Variants in ARID1A observed in about 807,000 individuals in gnomAD.
ARID1A encodes AT-rich interaction domain 1A.
A neutral mutation model predicts 212.6 loss-of-function variants in ARID1A; 20 were observed. That is an observed-to-expected ratio of 0.09 (90% CI 0.07 to 0.14). The LOEUF (loss-of-function observed/expected upper bound fraction) is 0.14, where lower values mean the gene tolerates loss of function less well. ARID1A is among the 10% of genes least tolerant of loss of function. The probability of loss-of-function intolerance (pLI) is 1.00; values close to 1 mark genes in which losing one functional copy is unlikely to be tolerated. For synonymous variants in ARID1A, 1,376 were observed against 1,222.1 expected, an observed-to-expected ratio of 1.13 and a Z score of -2.63; for missense variants, 2,587 against 3,059.0, an observed-to-expected ratio of 0.85 and a Z score of 3.64.
intron 4 of ARID1A, among the ~76,000 whole-genome samples, chr1:26,737,601 C>T (rs2080746343): frequency 6.6e-6 from 1 of 152,126 alleles, no homozygotes; most frequent in South Asian, 2.1e-4. Flanking sequence ...CACGGTGCCT[C>T]ACGCTTGTAA....
At chr1:26,709,884 G>T (rs1407517237) in intron 1 of ARID1A, among the ~76,000 whole-genome samples, 2 of 150,786 alleles carry the variant, frequency 1.3e-5, no homozygotes, top group Admixed American at 1.3e-4. Flanking sequence ...CCAGGCTGAA[G>T]TGCAGTGGCA....
At chr1:26,747,217 C>T (rs1046016062) in intron 4 of ARID1A, among the ~76,000 whole-genome samples, 2 of 152,116 alleles carry the variant, frequency 1.3e-5, no homozygotes, top group Admixed American at 6.5e-5. Context: ...AATCCCCCTA[C>T]TCGATGGCCT....
chr1:26,771,557 A>G lies in ARID1A; in HGVS notation c.3406+231A>G. On this transcript the variant is annotated intron_variant, in intron 12 of 19. Coordinates refer to ENST00000324856, the MANE Select transcript of ARID1A (RefSeq NM_006015.6). This position sits in a 1 kb window ranked among gnomAD's most constrained non-coding sequence, Gnocchi z 5.4. ...TTTTAATTTTTGTTGTGCAGCTGACAACTTGCCAAATGTTTGTAAACTGGT... is the reference window on the plus strand; with the variant it reads ...TTTTAATTTTTGTTGTGCAGCTGACGACTTGCCAAATGTTTGTAAACTGGT... 1 of 560,180 alleles carries G rather than the reference A, an allele frequency of 1.8e-6. No homozygotes were observed. The highest frequency in any genetic ancestry group is 3.2e-6 in the Non-Finnish European group (1 of 315,062). 34.7% of individuals were successfully genotyped at this position (560,180 alleles called of 1,614,324 possible). A position where few individuals can be genotyped will look rare whatever the true frequency, so the allele number is the denominator to read the frequency against.
chr1:26,738,205 A>G (rs767097106), intron 4 of ARID1A, among the ~76,000 whole-genome samples: 4 of 151,580 alleles, frequency 2.6e-5, no homozygotes, highest in Non-Finnish European at 5.9e-5. Flanking sequence ...TGTATTTTTA[A>G]TAGAGACGAG....
chr1:26,755,202 T>C (rs1445291241), intron 4 of ARID1A, among the ~76,000 whole-genome samples: 1 of 152,234 alleles, frequency 6.6e-6, no homozygotes, highest in Non-Finnish European at 1.5e-5. Flanking sequence ...GTCTGGCATA[T>C]AGTAGATGCT....
chr1:26,758,447 C>T lies in ARID1A; in HGVS notation c.1921-2409C>T, dbSNP rs539982413. 3.9e-5 allele frequency among the ~76,000 whole-genome samples: 6 copies of T among 151,992 alleles called. No homozygotes were observed. In the East Asian group the frequency reaches 7.8e-4, roughly 20 times the overall value. On this transcript the variant is annotated intron_variant, in intron 4 of 19. Coordinates refer to ENST00000324856, the MANE Select transcript of ARID1A (RefSeq NM_006015.6). ...ACACAAACACAGCCAGACATGGTGG[C>T]GCCTGCCTGTACACACACATACAGA...
rs1015322780 is a variant in ARID1A at position 26,696,649 on chromosome 1, TGGCGGC to T, written c.255_260del (p.Gly86_Gly87del). ...AGGACGGGGCCGAGAGCAATGGGGG[TGGCGGC>T]GGCGGCGGAGCCGGCAGCGGCGGCG... On this transcript the variant is annotated inframe_deletion, in exon 1 of 20. Transcript: ENST00000324856. 7.7e-7 allele frequency: 1 copy of T among 1,303,514 alleles called. No individual in the cohort carries two copies. Among genetic ancestry groups the T allele is most frequent in the East Asian group, 3.2e-5 (1 of 31,692 alleles). The allele number at this position is 1,303,514 out of a possible 1,614,324, so 80.7% of individuals were successfully genotyped here. A position where few individuals can be genotyped will look rare whatever the true frequency, so the allele number is the denominator to read the frequency against.
At chr1:26,751,090 A>G (rs1039643889) in intron 4 of ARID1A, among the ~76,000 whole-genome samples, 8 of 151,952 alleles carry the variant, frequency 5.3e-5, no homozygotes, top group African/African-American at 1.9e-4. Context: ...CCCCGTCTCT[A>G]CTAAAAATAC....
Position 26,779,400 on chromosome 1 carries a change from G to T in ARID1A, c.5502G>T (p.Val1834=). The T allele has an allele frequency of 6.2e-7, 1 of 1,614,184 alleles. No individual in the cohort carries two copies. Among genetic ancestry groups the T allele is most frequent in the African/African-American group, 1.3e-5 (1 of 75,040 alleles). ...VVDCSDKLGR[V]QEFDSGLLHW... ...ACTGCTCAGATAAGCTTGGGCGTGT[G>T]CAGGAGTTTGACAGTGGCCTGCTGC... The change falls in exon 20 of 20, where the codon GTG becomes GTT. Residue 1834 remains valine, a synonymous_variant. Transcript: ENST00000324856.
intron 4 of ARID1A, among the ~76,000 whole-genome samples, chr1:26,736,914 A>AC (rs967780021): frequency 1.3e-5 from 2 of 151,790 alleles, no homozygotes; most frequent in African/African-American, 4.8e-5. Flanking sequence ...AAAAAAAAAA[A>AC]AAAAAAAACC....
intron 1 of ARID1A, among the ~76,000 whole-genome samples, chr1:26,708,210 A>G (rs1394712081): frequency 2.1e-5 from 3 of 143,772 alleles, no homozygotes; most frequent in South Asian, 4.5e-4. Flanking sequence ...TCTCTTTCTC[A>G]AGAGGGATCT....
chr1:26,737,737 C>T (rs1036494201), intron 4 of ARID1A, among the ~76,000 whole-genome samples: 59 of 151,884 alleles, frequency 3.9e-4, no homozygotes, highest in African/African-American at 1.3e-3. Context: ...TGGTGGCACA[C>T]GCCTGTAATC....
rs2124107939 is a variant in ARID1A at position 26,772,954 on chromosome 1, C to G, written c.3682C>G (p.Pro1228Ala). The G allele has an allele frequency of 6.2e-7, 1 of 1,613,142 alleles. No homozygotes were observed. The highest frequency in any genetic ancestry group is 8.5e-7 in the Non-Finnish European group (1 of 1,179,332). ...SDMMGRMSYE[P>A]NKDPYGSMRK... ...CATGATGGGGCGCATGTCCTATGAG[C>G]CAAATAAGGATCCTTATGGCAGCAT... The change falls in exon 14 of 20, where the codon CCA (proline) becomes GCA (alanine). Residue 1228 changes from proline to alanine, a missense_variant. Physicochemically the swap from Pro to Ala is conservative, Grantham distance 27. Around this residue, in one of 11 missense-constraint regions of ARID1A, gnomAD observed 890 missense variants for 1,098.2 expected, o/e 0.81. Transcript: ENST00000324856.
At position 26,774,969 on chromosome 1, in the gene ARID1A, A is replaced by C. The variant is rs2124121953; in HGVS notation, c.4742A>C (p.His1581Pro). ...CAGCCCCCACCAAGCATGCAGAATC[A>C]CATTCCTCAGGTATCCAGCCCTGCT... The part of the protein sequence containing the change: ...NYQPPPSMQN[H>P]IPQVSSPAPL... Residue 1581 changes from histidine (H) to proline (P), a missense_variant, in exon 18 of 20, where the codon CAC becomes CCC. His to Pro is a moderately conservative substitution (Grantham distance 77). Transcript: ENST00000324856. This position sits in a 1 kb window ranked among gnomAD's most constrained non-coding sequence, Gnocchi z 5.6. The C allele has an allele frequency of 6.6e-7, 1 of 1,511,056 alleles. No homozygotes were observed. The highest frequency in any genetic ancestry group is 2.4e-5 in the East Asian group (1 of 41,386). 93.6% of individuals were successfully genotyped at this position (1,511,056 alleles called of 1,614,324 possible).
intron 1 of ARID1A, among the ~76,000 whole-genome samples, chr1:26,726,762 T>G (rs1476225064): frequency 6.6e-6 from 1 of 152,226 alleles, no homozygotes; most frequent in Non-Finnish European, 1.5e-5. Context: ...ACACCTGATC[T>G]CTGGCTTCCC....
At chr1:26,732,572 C>T in intron 3 of ARID1A, 104 bp from the exon 4 acceptor site, 1 of 903,458 alleles carries the variant, frequency 1.1e-6, no homozygotes, top group Non-Finnish European at 1.7e-6. Flanking sequence ...ACTGGACTTT[C>T]TCTCACACTC....
intron 1 of ARID1A, among the ~76,000 whole-genome samples, chr1:26,710,531 CTTG>C (rs1421073773): frequency 3.8e-4 from 12 of 31,906 alleles, no homozygotes; most frequent in African/African-American, 5.5e-4. Flanking sequence ...ACACACACCA[CTTG>C]TTGTTCCAGC....
chr1:26,729,733 C>G lies in ARID1A; in HGVS notation c.1220C>G (p.Pro407Arg), dbSNP rs780917379. The G allele has an allele frequency of 1.9e-6, 3 of 1,614,234 alleles. No homozygotes were observed. In the South Asian group the frequency reaches 3.3e-5, roughly 18 times the overall value. ...AACCCATACTCGCAGCAACAGGGAC[C>G]TCCGTCAGGACCGCAGCAAGGACAT... ...GTNPYSQQQGPPSGPQQGHGY... is the reference protein window; with the variant it reads ...GTNPYSQQQGRPSGPQQGHGY... The change falls in exon 2 of 20, where the codon CCT becomes CGT. Residue 407 changes from proline to arginine, a missense_variant. By Grantham distance (103) the Pro-to-Arg change is moderately radical (BLOSUM62 -2). This residue lies in a region of ARID1A where 674 missense variants were observed against 813.4 expected (regional missense o/e 0.83). Transcript: ENST00000324856.
At chr1:26,727,569 G>C (rs2080630438) in intron 1 of ARID1A, 1 of 152,212 alleles carries the variant, frequency 6.6e-6, no homozygotes, top group Non-Finnish European at 1.5e-5. Flanking sequence ...GGTTGGAGAA[G>C]AGCACAAGCC....
Sources: allele counts gnomAD v4.1 joint callset (sites outside exome capture counted in the v4.1 genomes callset), GRCh38; gene constraint gnomAD v4.1.1; regional missense constraint gnomAD v4.1.1; non-coding constraint Gnocchi (gnomAD v3.1); transcripts MANE v1.5; gene names NCBI Gene and HGNC (gene_info 2026-07-23, HGNC 2026-07-21).